Variants in ARHGEF33 observed in about 807,000 individuals in gnomAD.
ARHGEF33 encodes the protein DH and coiled-coil domain-containing protein ENSP00000381780.
Under a neutral mutation model 101.9 loss-of-function variants are expected in ARHGEF33, and 72 were observed. That is an observed-to-expected ratio of 0.71 (90% confidence interval 0.58 to 0.86). The LOEUF is 0.86. Ranked by LOEUF, ARHGEF33 falls within the 40% of genes least tolerant of loss-of-function variation. The pLI, the probability that ARHGEF33 is intolerant of heterozygous loss-of-function variation, is 0.00. For missense variants in ARHGEF33, 1,169 were observed against 1,111.3 expected, an observed-to-expected ratio of 1.05 and a Z score of -0.74; for synonymous variants, 499 against 442.5, an observed-to-expected ratio of 1.13 and a Z score of -1.60.
intron 11 of ARHGEF33, among the ~76,000 whole-genome samples, chr2:38,952,957 C>A (rs534063937): frequency 6.6e-6 from 1 of 152,204 alleles, no homozygotes; most frequent in African/African-American, 2.4e-5. Flanking sequence ...CCTTGGCCTC[C>A]CAAAGTGCTA....
At chr2:38,962,978 C>T (rs552049506) in intron 16 of ARHGEF33, among the ~76,000 whole-genome samples, 7 of 143,522 alleles carry the variant, frequency 4.9e-5, no homozygotes, top group East Asian at 4.2e-4. Flanking sequence ...GAGCCGAGAT[C>T]GCATCACTGC....
intron 4 of ARHGEF33, among the ~76,000 whole-genome samples, chr2:38,927,091 A>G (rs978470334): frequency 6.6e-6 from 1 of 152,206 alleles, no homozygotes; most frequent in African/African-American, 2.4e-5. Context: ...GAAATGAAAA[A>G]TAGATTGCTT....
intron 9 of ARHGEF33, among the ~76,000 whole-genome samples, chr2:38,940,689 G>A (rs1195304737): frequency 6.6e-6 from 1 of 152,090 alleles, no homozygotes; most frequent in Admixed American, 6.5e-5. Flanking sequence ...CTTCTTGCCG[G>A]CTTGCTGTGC....
At chr2:38,932,492 C>G (rs1035431390) in intron 7 of ARHGEF33, among the ~76,000 whole-genome samples, 7 of 152,154 alleles carry the variant, frequency 4.6e-5, no homozygotes, top group Admixed American at 3.9e-4. Context: ...ATAGGTGCAG[C>G]CTGGGAAAAC....
At chr2:38,903,088 T>C (rs1666285128) in intron 2 of ARHGEF33, among the ~76,000 whole-genome samples, 1 of 152,192 alleles carries the variant, frequency 6.6e-6, no homozygotes, top group Non-Finnish European at 1.5e-5. Flanking sequence ...TAGCTCTTCT[T>C]CCTCATATCC....
intron 13 of ARHGEF33, among the ~76,000 whole-genome samples, 177 bp downstream of exon 13, chr2:38,954,633 CTTTTT>C (rs10706405): frequency 9.9e-6 from 1 of 101,138 alleles, no homozygotes. Flanking sequence ...GAGCTAAAAC[CTTTTT>C]TTTTTTTTTT....
Position 38,959,993 on chromosome 2 carries a change from A to T in ARHGEF33, c.1688A>T (p.Gln563Leu). The T allele has an allele frequency of 6.5e-7, 1 of 1,550,336 alleles. No individual in the cohort carries two copies. The highest frequency in any genetic ancestry group is 8.7e-7 in the Non-Finnish European group (1 of 1,146,454). Residue 563 changes from glutamine to leucine, a missense_variant, in exon 16 of 18, where the codon CAG becomes CTG. By Grantham distance (113) the Gln-to-Leu change is moderately radical (BLOSUM62 -2). Coordinates refer to ENST00000409978, the MANE Select transcript of ARHGEF33 (RefSeq NM_001145451.5). Reference protein sequence around the residue: ...LAPTQFCAAEQDVKALAGPLQ... With the variant: ...LAPTQFCAAELDVKALAGPLQ... ...CCGACGCAGTTCTGCGCGGCCGAGC[A>T]GGACGTGAAGGCGCTGGCCGGGCCC...
At chr2:38,905,941 T>G (rs1449866717) in intron 2 of ARHGEF33, among the ~76,000 whole-genome samples, 1 of 152,136 alleles carries the variant, frequency 6.6e-6, no homozygotes, top group Non-Finnish European at 1.5e-5. Context: ...TTTCCTCACA[T>G]ACTTTAAAAA....
chr2:38,956,146 TA>T (rs951713410), intron 13 of ARHGEF33, among the ~76,000 whole-genome samples: 3 of 152,076 alleles, frequency 2.0e-5, no homozygotes, highest in African/African-American at 4.8e-5. Flanking sequence ...ACCTAGTAGG[TA>T]AAAAAAACTA....
intron 4 of ARHGEF33, among the ~76,000 whole-genome samples, chr2:38,926,927 A>G (rs1451132700): frequency 2.0e-5 from 3 of 152,116 alleles, no homozygotes; most frequent in Non-Finnish European, 4.4e-5. Flanking sequence ...TATAGCCATC[A>G]ATTTTGTTTA....
At chr2:38,940,269 A>G (rs991388859) in intron 9 of ARHGEF33, among the ~76,000 whole-genome samples, 1 of 152,014 alleles carries the variant, frequency 6.6e-6, no homozygotes, top group African/African-American at 2.4e-5. Flanking sequence ...TACATCATCA[A>G]TGTTTTTAGT....
intron 7 of ARHGEF33, among the ~76,000 whole-genome samples, chr2:38,932,420 C>T (rs546644786): frequency 3.7e-4 from 56 of 149,862 alleles, no homozygotes; most frequent in Non-Finnish European, 7.5e-4. Flanking sequence ...AGCCACCGTG[C>T]CCGGCTTGCC....
chr2:38,937,312 C>CGGGGGGGGGCGGG, intron 8 of ARHGEF33, 23 bp from the exon 9 acceptor site: 1 of 583,332 alleles, frequency 1.7e-6, no homozygotes. Context: ...TTTGTTTCCC[C>CGGGGGGGGGCGGG]GCCCCTCCCC....
intron 2 of ARHGEF33, among the ~76,000 whole-genome samples, chr2:38,902,088 TTGGGTGACAGAGCAGCC>T (rs1378823767): frequency 2.7e-5 from 4 of 150,394 alleles, no homozygotes; most frequent in African/African-American, 9.8e-5. Flanking sequence ...GCACTCCAGC[TTGGGTGACAGAGCAGCC>T]TGGGTGACAG....
chr2:38,946,935 A>AC (rs1667466734), intron 10 of ARHGEF33, among the ~76,000 whole-genome samples: 1 of 152,172 alleles, frequency 6.6e-6, no homozygotes. Flanking sequence ...CTTTGTGTGT[A>AC]CTTTAAATAG....
chr2:38,960,853 G>A (rs774024500), intron 16 of ARHGEF33, among the ~76,000 whole-genome samples: 1 of 152,200 alleles, frequency 6.6e-6, no homozygotes, highest in Non-Finnish European at 1.5e-5. Context: ...GGCCCTGGAA[G>A]GCGAGTGGCA....
intron 9 of ARHGEF33, among the ~76,000 whole-genome samples, chr2:38,941,301 G>A (rs1336352994): frequency 1.3e-5 from 2 of 152,156 alleles, no homozygotes; most frequent in African/African-American, 2.4e-5. Flanking sequence ...CTCAGCCTAT[G>A]CTCAGGAATG....
chr2:38,894,721 G>T (rs996139278), intron 1 of ARHGEF33, among the ~76,000 whole-genome samples: 3 of 152,130 alleles, frequency 2.0e-5, no homozygotes, highest in African/African-American at 7.2e-5. Flanking sequence ...ACTTCCCAGT[G>T]GTCACTCAGT....
At chr2:38,891,242 A>C (rs1308713144) in intron 1 of ARHGEF33, among the ~76,000 whole-genome samples, 2 of 152,012 alleles carry the variant, frequency 1.3e-5, no homozygotes, top group African/African-American at 2.4e-5. Flanking sequence ...CCTTATTGTT[A>C]ACTTTTTCTT....
Sources: allele counts gnomAD v4.1 joint callset (sites outside exome capture counted in the v4.1 genomes callset), GRCh38; gene constraint gnomAD v4.1.1; transcripts MANE v1.5; gene names NCBI Gene and HGNC (gene_info 2026-07-23, HGNC 2026-07-21).